HDAC9: variants seen among roughly 807,000 people sequenced by gnomAD.
HDAC9 encodes histone deacetylase 9.
HDAC9 carries 41 observed loss-of-function variants against 139.4 expected under a neutral mutation model. That is an observed-to-expected ratio of 0.29 (90% CI 0.23 to 0.38). The LOEUF (loss-of-function observed/expected upper bound fraction) is 0.38, where lower values mean the gene tolerates loss of function less well. Ranked by LOEUF, HDAC9 falls within the 10% of genes least tolerant of loss-of-function variation. The pLI is 1.00. For missense variants in HDAC9, 1,147 were observed against 1,297.0 expected (o/e 0.88, Z 1.78); for synonymous variants, 517 against 476.2 (o/e 1.09, Z -1.12).
chr7:18,701,084 T>C (rs1354871580), intron 12 of HDAC9, among the ~76,000 whole-genome samples: 1 of 152,042 alleles, frequency 6.6e-6, no homozygotes, highest in East Asian at 1.9e-4. Flanking sequence ...TGACTGTTGC[T>C]GCAAAATTTA....
intron 2 of HDAC9, among the ~76,000 whole-genome samples, chr7:18,230,611 G>A (rs1793392723): frequency 6.6e-6 from 1 of 152,192 alleles, no homozygotes; most frequent in Non-Finnish European, 1.5e-5. Context: ...GTTTTGCTCA[G>A]TCTGGGTTTT....
At chr7:18,897,317 G>A (rs1324191944) in intron 22 of HDAC9, among the ~76,000 whole-genome samples, 3 of 151,856 alleles carry the variant, frequency 2.0e-5, no homozygotes, top group Non-Finnish European at 4.4e-5. Context: ...TCAAATGATC[G>A]CTTATTGAAT....
intron 2 of HDAC9, among the ~76,000 whole-genome samples, chr7:18,281,885 C>CAG (rs1354469763): frequency 1.3e-5 from 2 of 152,226 alleles, no homozygotes; most frequent in Admixed American, 1.3e-4. Flanking sequence ...GATTAAAAAT[C>CAG]AGAGAATACA....
At chr7:18,136,912 G>A (rs1250435730) in intron 1 of HDAC9, among the ~76,000 whole-genome samples, 11 of 151,498 alleles carry the variant, frequency 7.3e-5, no homozygotes, top group East Asian at 1.9e-4. Context: ...CCATTTTCAC[G>A]ATATTGATTC....
chr7:18,550,637 G>A (rs904232803), intron 2 of HDAC9, among the ~76,000 whole-genome samples: 2 of 152,168 alleles, frequency 1.3e-5, no homozygotes, highest in Admixed American at 6.5e-5. Flanking sequence ...GGTAAGGTGT[G>A]AGAAACTGTA....
At chr7:18,183,070 C>T (rs377270358) in intron 2 of HDAC9, among the ~76,000 whole-genome samples, 16 of 150,400 alleles carry the variant, frequency 1.1e-4, no homozygotes, top group South Asian at 2.1e-4. Context: ...AGTGCAGTGG[C>T]GCAATCTCGG....
rs1368074216 is a variant in HDAC9, at chr7:18,200,555, T to C, written c.25+38206T>C. 9.2e-5 allele frequency among the ~76,000 whole-genome samples: 14 copies of C among 152,160 alleles called. 1 individual carries two copies. The highest frequency in any genetic ancestry group is 7.2e-4 in the Admixed American group (11 of 15,278). On this transcript the variant is annotated intron_variant, in intron 2 of 12. Coordinates refer to the HDAC9 transcript ENST00000417496. ...GGCCCAACCAATCTATAGTATCACA[T>C]TGGACTCCAGATAAACCCTAAAAGC...
At chr7:18,141,723 G>T (rs1785911038) in intron 1 of HDAC9, among the ~76,000 whole-genome samples, 1 of 151,972 alleles carries the variant, frequency 6.6e-6, no homozygotes, top group Admixed American at 6.6e-5. Context: ...CCACATGTCT[G>T]TTATTCTTAG....
At chr7:18,159,785 C>T (rs1787496975) in intron 1 of HDAC9, among the ~76,000 whole-genome samples, 1 of 152,076 alleles carries the variant, frequency 6.6e-6, no homozygotes, top group South Asian at 2.1e-4. Flanking sequence ...AATGCCTATT[C>T]ATTTTCATTA....
intron 23 of HDAC9, among the ~76,000 whole-genome samples, chr7:18,937,329 T>C (rs567333624): frequency 6.6e-6 from 1 of 152,188 alleles, no homozygotes; most frequent in Non-Finnish European, 1.5e-5. Context: ...TGAACCACCG[T>C]GCCTGGCTGT....
intron 2 of HDAC9, among the ~76,000 whole-genome samples, chr7:18,248,522 G>A (rs1483022602): frequency 6.6e-6 from 1 of 152,178 alleles, no homozygotes; most frequent in Admixed American, 6.5e-5. Flanking sequence ...AGTTTTTGAG[G>A]TGTCACTTTC....
At chr7:18,608,334 G>A (rs1836113994) in intron 6 of HDAC9, among the ~76,000 whole-genome samples, 1 of 152,102 alleles carries the variant, frequency 6.6e-6, no homozygotes, top group African/African-American at 2.4e-5. Flanking sequence ...ATTATTAAAA[G>A]CAGCACATAA....
At chr7:18,828,939 G>T (rs766693124) in intron 17 of HDAC9, among the ~76,000 whole-genome samples, 1 of 152,148 alleles carries the variant, frequency 6.6e-6, no homozygotes, top group African/African-American at 2.4e-5. Context: ...CCCCCGACTC[G>T]GAGCCTTCTT....
Position 18,110,747 on chromosome 7 carries a change from A to G in HDAC9, c.-97+23534A>G, listed in dbSNP as rs73681713. On this transcript the variant is annotated intron_variant, in intron 1 of 12. Transcript: ENST00000417496. ...TATGCAGTTGAGTTGGAGTGAGGAA[A>G]GACGGGGGCCAGGAGCTTGGGAGGC... Among the ~76,000 whole-genome samples the G allele has an allele frequency of 5.9e-3, 899 of 152,294 alleles. 11 individuals carry two copies. The highest frequency in any genetic ancestry group is 0.02 in the African/African-American group (852 of 41,564).
At chr7:18,298,338 A>T (rs919629290) in intron 1 of HDAC9, among the ~76,000 whole-genome samples, 1 of 150,366 alleles carries the variant, frequency 6.7e-6, no homozygotes, top group African/African-American at 2.5e-5. Flanking sequence ...CACATTGTGC[A>T]GGTTAGTTAC....
At chr7:18,664,317 A>G (rs908688262) in intron 11 of HDAC9, among the ~76,000 whole-genome samples, 6 of 152,088 alleles carry the variant, frequency 3.9e-5, no homozygotes, top group Non-Finnish European at 7.4e-5. Context: ...TTCATATTCA[A>G]ATTTCTTCAT....
At chr7:18,479,147 G>T (rs761874718) in intron 1 of HDAC9, among the ~76,000 whole-genome samples, 16 of 151,784 alleles carry the variant, frequency 1.1e-4, no homozygotes, top group Non-Finnish European at 1.9e-4. Context: ...TTTTCTTTAT[G>T]ATTTGTGTTC....
Position 18,935,944 on chromosome 7 carries a change from TA to T in HDAC9, c.2937+8del, listed in dbSNP as rs1781597885. 1 of 1,610,424 alleles carries T rather than the reference TA, an allele frequency of 6.2e-7. No individual in the cohort carries two copies. Among genetic ancestry groups the T allele is most frequent in the East Asian group, 2.2e-5 (1 of 44,740 alleles). On this transcript the variant is annotated splice_donor_region_variant and intron_variant, in intron 23 of 25. Coordinates refer to ENST00000686413, the MANE Select transcript of HDAC9 (RefSeq NM_178425.4). ...GTAAATGCCCTTCTAGGAAATGAGG[TA>T]AAAAAGTAAAAGTACAAAGGGGCAG...
At chr7:18,902,918 C>A (rs1585268753) in intron 22 of HDAC9, among the ~76,000 whole-genome samples, 3 of 152,138 alleles carry the variant, frequency 2.0e-5, no homozygotes, top group African/African-American at 7.2e-5. Context: ...GTATAATCAT[C>A]TATAGTAATA....
Sources: allele counts gnomAD v4.1 joint callset (sites outside exome capture counted in the v4.1 genomes callset), GRCh38; gene constraint gnomAD v4.1.1; transcripts MANE v1.5; gene names NCBI Gene and HGNC (gene_info 2026-07-23, HGNC 2026-07-21).